Variants in SMG6 observed in about 807,000 individuals in gnomAD.
SMG6 encodes the protein telomerase-binding protein EST1A.
SMG6 carries 66 observed loss-of-function variants against 142.2 expected under a neutral mutation model. The ratio of observed to expected loss-of-function variants is 0.46; its 90% CI spans 0.38 to 0.57. SMG6 has a LOEUF of 0.57. Ranked by LOEUF, SMG6 falls within the 20% of genes least tolerant of loss-of-function variation. SMG6 has a pLI of 0.00. For synonymous variants in SMG6, 779 were observed against 702.4 expected (o/e 1.11, Z -1.72); for missense variants, 1,793 against 1,832.0 (o/e 0.98, Z 0.39).
intron 13 of SMG6, among the ~76,000 whole-genome samples, chr17:2,091,422 G>A (rs2068711382): frequency 6.6e-6 from 1 of 152,160 alleles, no homozygotes; most frequent in Admixed American, 6.6e-5. Context: ...GAAGAAGTTG[G>A]TATGAAATTG....
intron 13 of SMG6, among the ~76,000 whole-genome samples, chr17:2,145,438 G>A (rs1306677402): frequency 2.6e-5 from 4 of 151,836 alleles, no homozygotes; most frequent in Non-Finnish European, 5.9e-5. Flanking sequence ...CTTTAGCTGT[G>A]TTAATTGAGA....
At chr17:2,157,430 C>T (rs907269572) in intron 13 of SMG6, among the ~76,000 whole-genome samples, 2 of 152,212 alleles carry the variant, frequency 1.3e-5, no homozygotes, top group African/African-American at 4.8e-5. Context: ...TTCTGGCACA[C>T]TGACCCAACT....
At chr17:2,122,174 G>C (rs543312600) in intron 13 of SMG6, among the ~76,000 whole-genome samples, 15 of 152,266 alleles carry the variant, frequency 9.9e-5, no homozygotes, top group Admixed American at 2.6e-4. Flanking sequence ...TGGGGGAAGA[G>C]AGGGAGAGAG....
Position 2,298,072 on chromosome 17 carries a change from G to T in SMG6, c.1848-17C>A, listed in dbSNP as rs2075183049. The stretch of plus-strand genomic sequence containing the variant: ...AGTTCAGCTCTGGAATAAAATACAT[G>T]CAACTTCCAGCTCCAAATACACCAC... On this transcript the variant is annotated splice_polypyrimidine_tract_variant and intron_variant, in intron 2 of 18. Coordinates refer to ENST00000263073, the MANE Select transcript of SMG6 (RefSeq NM_017575.5). The T allele has an allele frequency of 1.9e-6, 3 of 1,578,890 alleles. No individual in the cohort carries two copies. Among genetic ancestry groups the T allele is most frequent in the Admixed American group, 1.9e-5 (1 of 52,540 alleles).
chr17:2,255,170 C>A (rs914828909), intron 8 of SMG6, among the ~76,000 whole-genome samples: 10 of 151,590 alleles, frequency 6.6e-5, no homozygotes, highest in African/African-American at 9.7e-5. Context: ...TTTGGGAGGC[C>A]GAGGCGGGCG....
intron 15 of SMG6, among the ~76,000 whole-genome samples, chr17:2,077,328 G>A (rs1359299603): frequency 6.6e-6 from 1 of 152,222 alleles, no homozygotes; most frequent in Non-Finnish European, 1.5e-5. Context: ...AATGAAGCCT[G>A]AAGAGTGTCA....
intron 8 of SMG6, among the ~76,000 whole-genome samples, chr17:2,278,326 C>G (rs977740826): frequency 2.6e-5 from 4 of 151,986 alleles, no homozygotes; most frequent in African/African-American, 9.7e-5. Context: ...CCTCAGCCTC[C>G]CGAGTAGCTG....
intron 12 of SMG6, among the ~76,000 whole-genome samples, chr17:2,175,192 C>T (rs567963472): frequency 1.8e-4 from 27 of 152,288 alleles, no homozygotes; most frequent in Non-Finnish European, 2.8e-4. Context: ...AGGCACTGCT[C>T]GGCTGCAGAG....
At chr17:2,278,618 G>A (rs1422436289) in intron 8 of SMG6, among the ~76,000 whole-genome samples, 1 of 152,154 alleles carries the variant, frequency 6.6e-6, no homozygotes, top group Non-Finnish European at 1.5e-5. Flanking sequence ...GGAAGTATTG[G>A]AACGAGTGAT....
chr17:2,068,928 C>A lies in SMG6; in HGVS notation c.3685G>T (p.Val1229Phe). The change falls in exon 16 of 19, where the codon GTC becomes TTC. Residue 1229 changes from valine (V) to phenylalanine (F), a missense_variant. Transcript: ENST00000263073. The surrounding 1 kb of genome is among the most constrained non-coding windows in gnomAD (Gnocchi z 6.7). ...CTCATCTGACTGTGGTCCTCCAGGA[C>A]AGCCTATGGGGACAGAGTGGTGAAT... ...QQRRQEKIQA[V>F]LEDHSQMRQM... The A allele has an allele frequency of 6.2e-7, 1 of 1,614,040 alleles. No homozygotes were observed. The highest frequency in any genetic ancestry group is 8.5e-7 in the Non-Finnish European group (1 of 1,179,936).
Position 2,296,164 on chromosome 17 carries a change from G to A in SMG6, c.2151+1079C>T, listed in dbSNP as rs190851893. ...TTTCAGAATGAAGTCCAAACTCTTCGGCATAGCATATGAGAGTTTATGACC... is the reference window on the plus strand; with the variant it reads ...TTTCAGAATGAAGTCCAAACTCTTCAGCATAGCATATGAGAGTTTATGACC... On this transcript the variant is annotated intron_variant, in intron 4 of 18. Coordinates refer to ENST00000263073, the MANE Select transcript of SMG6 (RefSeq NM_017575.5). Among the ~76,000 whole-genome samples, 534 of 152,190 alleles carry A rather than the reference G, an allele frequency of 3.5e-3. 1 individual carries two copies. Among genetic ancestry groups the A allele is most frequent in the South Asian group, 7.3e-3 (35 of 4,818 alleles).
At position 2,075,310 on chromosome 17, in the gene SMG6, C is replaced by T. The variant is rs546377970; in HGVS notation, c.3682-6379G>A. ...AGGAGGGACTACATCTTCAGGAGGG[C>T]GGGTGGGCGGGAAAGGGACAGGGGA... On this transcript the variant is annotated intron_variant, in intron 15 of 18. Transcript: ENST00000263073. Among the ~76,000 whole-genome samples the T allele has an allele frequency of 3.5e-3, 12 of 3,428 alleles. No individual in the cohort carries two copies. The South Asian group carries it at 0.036, about 10-fold the overall frequency. 2.2% of individuals were successfully genotyped at this position (3,428 alleles called of 152,430 possible).
At chr17:2,302,827 G>A (rs1452739600) in intron 1 of SMG6, among the ~76,000 whole-genome samples, 1 of 152,024 alleles carries the variant, frequency 6.6e-6, no homozygotes, top group Non-Finnish European at 1.5e-5. Flanking sequence ...GGGGGATGGG[G>A]AAAGCTATTC....
chr17:2,184,168 G>A (rs1293409792), intron 12 of SMG6, among the ~76,000 whole-genome samples: 2 of 151,862 alleles, frequency 1.3e-5, no homozygotes, highest in Admixed American at 6.6e-5. Flanking sequence ...TTTGAGACCA[G>A]CCTGACCAGC....
In SMG6 at chr17:2,060,538, C is replaced by G. The variant is rs995255628; in HGVS notation, c.*954G>C. On this transcript the variant is annotated 3_prime_UTR_variant, in exon 19 of 19. Coordinates refer to ENST00000263073, the MANE Select transcript of SMG6 (RefSeq NM_017575.5). ...AAGTTCAGAGTGAGAACCCCTATGA[C>G]GAGGAACCGCGGTGAAGAAATGAAG... The G allele has an allele frequency of 6.6e-6, 1 of 151,976 alleles. No homozygotes were observed. The highest frequency in any genetic ancestry group is 1.5e-5 in the Non-Finnish European group (1 of 68,076). 9.4% of individuals were successfully genotyped at this position (151,976 alleles called of 1,614,324 possible). A position where few individuals can be genotyped will look rare whatever the true frequency, so the allele number is the denominator to read the frequency against.
chr17:2,230,300 C>T lies in SMG6; in HGVS notation c.2869+6192G>A, dbSNP rs375199347. 2.6e-4 allele frequency among the ~76,000 whole-genome samples: 21 copies of T among 79,720 alleles called. 1 individual carries two copies. The highest frequency in any genetic ancestry group is 1.0e-3 in the African/African-American group (20 of 19,690). The allele number at this position is 79,720 out of a possible 152,430, so 52.3% of individuals were successfully genotyped here. The stretch of plus-strand genomic sequence containing the variant: ...TTTCTCCTTCAGAATAAGTCCATGT[C>T]GGGGCAAAAAAAAAAAAAAAAAAAA... On this transcript the variant is annotated intron_variant, in intron 10 of 18. Coordinates refer to ENST00000263073, the MANE Select transcript of SMG6 (RefSeq NM_017575.5).
At chr17:2,080,640 CTTTTTTT>C (rs796298262) in intron 15 of SMG6, among the ~76,000 whole-genome samples, 3 of 144,270 alleles carry the variant, frequency 2.1e-5, no homozygotes, top group South Asian at 2.2e-4. Context: ...TTTCTTTTTT[CTTTTTTT>C]TTTTTTGAGA....
At chr17:2,249,963 G>T (rs7213347) in intron 8 of SMG6, among the ~76,000 whole-genome samples, 1 of 151,966 alleles carries the variant, frequency 6.6e-6, no homozygotes, top group African/African-American at 2.4e-5. Context: ...AAATGTTTTG[G>T]ATTGTTCCTG....
intron 8 of SMG6, among the ~76,000 whole-genome samples, chr17:2,267,103 G>T (rs1030253904): frequency 2.6e-5 from 4 of 152,156 alleles, no homozygotes; most frequent in African/African-American, 9.7e-5. Flanking sequence ...TACAGCCTGA[G>T]GTACATATTG....
Sources: gnomAD v4.1 joint callset for allele counts (sites outside exome capture counted in the v4.1 genomes callset) on GRCh38, gnomAD v4.1.1 for gene constraint, Gnocchi (gnomAD v3.1) non-coding constraint, MANE v1.5 for transcripts, NCBI Gene and HGNC (gene_info 2026-07-23, HGNC 2026-07-21) for gene names.